The following MED13L variants were observed in gnomAD, a reference collection of about 807,000 sequenced individuals.
MED13L encodes the protein mediator complex subunit 13L, also known as mediator of RNA polymerase II transcription subunit 13-like.
Under a neutral mutation model 220.9 loss-of-function variants are expected in MED13L, and 7 were observed. That is an observed-to-expected ratio of 0.03 (90% confidence interval 0.02 to 0.06). The LOEUF is 0.06. Among genes scored for constraint, MED13L ranks in the 10% least tolerant of loss-of-function variants. MED13L has a pLI of 1.00. For missense variants in MED13L, 1,965 were observed against 2,760.5 expected, an observed-to-expected ratio of 0.71 and a Z score of 6.46; for synonymous variants, 1,011 against 1,015.2, an observed-to-expected ratio of 1.00 and a Z score of 0.08.
intron 2 of MED13L, among the ~76,000 whole-genome samples, chr12:116,193,074 A>C (rs937823177): frequency 6.6e-6 from 1 of 152,102 alleles, no homozygotes; most frequent in African/African-American, 2.4e-5. Context: ...GTTCGCAGTG[A>C]GCCGAGATCA....
intron 2 of MED13L, among the ~76,000 whole-genome samples, chr12:116,211,954 ATAAC>A (rs201560286): frequency 0.02 from 3,095 of 152,324 alleles, 63 homozygotes; most frequent in Middle Eastern, 0.054. Context: ...AGTTTAATAA[ATAAC>A]TATTAAAATA....
At chr12:116,183,803 G>GGTGTGGGT (rs1555220607) in intron 2 of MED13L, among the ~76,000 whole-genome samples, 4 of 110,092 alleles carry the variant, frequency 3.6e-5, no homozygotes, top group African/African-American at 1.5e-4. Flanking sequence ...TAGAAAAAAT[G>GGTGTGGGT]GTGTGTGTGT....
intron 1 of MED13L, among the ~76,000 whole-genome samples, chr12:116,275,630 A>C (rs1437321182): frequency 1.3e-5 from 2 of 152,154 alleles, no homozygotes; most frequent in South Asian, 2.1e-4. Context: ...TTGAACACTA[A>C]ATTATTTATC....
At chr12:116,185,540 T>G (rs984357465) in intron 2 of MED13L, among the ~76,000 whole-genome samples, 3 of 152,180 alleles carry the variant, frequency 2.0e-5, no homozygotes, top group Non-Finnish European at 2.9e-5. Flanking sequence ...CCAAAATTCC[T>G]TAGCATACTA....
At chr12:116,020,061 C>T in intron 5 of MED13L, 89 bp from the exon 6 acceptor site, 1 of 1,155,130 alleles carries the variant, frequency 8.7e-7, no homozygotes, top group South Asian at 1.3e-5. Flanking sequence ...TTTTAGGTTA[C>T]AGTATCACTT....
At chr12:115,978,570 G>A (rs889083297) in intron 23 of MED13L, among the ~76,000 whole-genome samples, 1 of 151,986 alleles carries the variant, frequency 6.6e-6, no homozygotes, top group African/African-American at 2.4e-5. Context: ...CAGGTGACCC[G>A]CCAGCCTCAG....
chr12:115,980,713 T>C (rs758267957), intron 23 of MED13L, 37 bp downstream of exon 23: 5 of 1,606,490 alleles, frequency 3.1e-6, no homozygotes, highest in Admixed American at 1.7e-5. Flanking sequence ...TGCATTTTAG[T>C]ATAAATTTTC....
intron 2 of MED13L, among the ~76,000 whole-genome samples, chr12:116,172,566 C>T (rs1428042666): frequency 6.6e-6 from 1 of 152,126 alleles, no homozygotes; most frequent in African/African-American, 2.4e-5. Flanking sequence ...GTTACTTCAT[C>T]GGGAATGCTA....
At chr12:115,969,557 A>C (rs544218945) in intron 27 of MED13L, among the ~76,000 whole-genome samples, 55 of 152,062 alleles carry the variant, frequency 3.6e-4, no homozygotes, top group African/African-American at 1.3e-3. Flanking sequence ...CCAAAAGCAA[A>C]TCAAAGCACA....
intron 16 of MED13L, among the ~76,000 whole-genome samples, chr12:115,996,185 G>A (rs946896176): frequency 6.6e-6 from 1 of 151,850 alleles, no homozygotes; most frequent in African/African-American, 2.4e-5. Flanking sequence ...CCACCTCCCG[G>A]GTTCAAGCGA....
intron 1 of MED13L, among the ~76,000 whole-genome samples, chr12:116,251,693 G>A (rs1024307357): frequency 1.6e-4 from 24 of 151,182 alleles, no homozygotes; most frequent in Non-Finnish European, 2.2e-4. Flanking sequence ...CCCAGGAGGC[G>A]GAGCTTGCAG....
chr12:116,112,677 A>G (rs558473499), intron 2 of MED13L, among the ~76,000 whole-genome samples: 72 of 152,332 alleles, frequency 4.7e-4, no homozygotes, highest in African/African-American at 1.6e-3. Context: ...CAAGAGAAAT[A>G]AAGTACAGCA....
intron 4 of MED13L, among the ~76,000 whole-genome samples, chr12:116,087,989 C>T (rs1871859476): frequency 6.6e-6 from 1 of 152,152 alleles, no homozygotes; most frequent in South Asian, 2.1e-4. Flanking sequence ...CAACATGACA[C>T]TCCCTTTAAA....
intron 1 of MED13L, among the ~76,000 whole-genome samples, chr12:116,275,267 G>C (rs1319819269): frequency 6.6e-6 from 1 of 152,088 alleles, no homozygotes; most frequent in Non-Finnish European, 1.5e-5. Context: ...TGATAAGACT[G>C]AGGAGGGAAA....
intron 24 of MED13L, 77 bp downstream of exon 24, chr12:115,975,438 A>G (rs1033405542): frequency 8.2e-5 from 131 of 1,591,362 alleles, no homozygotes; most frequent in Middle Eastern, 3.4e-4. Flanking sequence ...TCATTTACAT[A>G]GAAAACTGGA....
chr12:116,252,545 A>C (rs1200187165), intron 1 of MED13L, among the ~76,000 whole-genome samples: 1 of 152,096 alleles, frequency 6.6e-6, no homozygotes, highest in Admixed American at 6.5e-5. Context: ...TCTCAAAATA[A>C]TAATAAAAGG....
intron 4 of MED13L, among the ~76,000 whole-genome samples, chr12:116,043,495 G>C (rs192030131): frequency 1.3e-5 from 2 of 152,232 alleles, no homozygotes; most frequent in East Asian, 3.9e-4. Flanking sequence ...CATTAATCAT[G>C]TTTAGTAACA....
chr12:116,275,838 AC>A (rs2138610753), intron 1 of MED13L, among the ~76,000 whole-genome samples: 1 of 152,378 alleles, frequency 6.6e-6, no homozygotes, highest in South Asian at 2.1e-4. Context: ...ATTATATTCT[AC>A]GCTTGAAACG....
At chr12:116,203,830 C>A (rs1386781183) in intron 2 of MED13L, among the ~76,000 whole-genome samples, 1 of 151,832 alleles carries the variant, frequency 6.6e-6, no homozygotes, top group Non-Finnish European at 1.5e-5. Flanking sequence ...CAAAAAAACA[C>A]AAAAAGAAAA....
Sources: gnomAD v4.1 joint callset for allele counts (sites outside exome capture counted in the v4.1 genomes callset) on GRCh38, gnomAD v4.1.1 for gene constraint, MANE v1.5 for transcripts, NCBI Gene and HGNC (gene_info 2026-07-23, HGNC 2026-07-21) for gene names.